The following VPS39 variants were observed in gnomAD, a reference collection of about 807,000 sequenced individuals.
VPS39 encodes vam6/Vps39-like protein.
In VPS39, 70 loss-of-function variants were observed where a neutral mutation model predicts 121.0. That is an observed-to-expected ratio of 0.58 (90% CI 0.48 to 0.71). VPS39 has a LOEUF of 0.71. VPS39 is among the 30% of genes least tolerant of loss of function. The probability of loss-of-function intolerance (pLI) is 0.00; values close to 1 mark genes in which losing one functional copy is unlikely to be tolerated. For synonymous variants in VPS39, 378 were observed against 398.1 expected, an observed-to-expected ratio of 0.95 and a Z score of 0.60; for missense variants, 818 against 1,051.5, an observed-to-expected ratio of 0.78 and a Z score of 3.07.
Position 42,198,512 on chromosome 15 carries a change from A to G in VPS39, c.139+1384T>C, listed in dbSNP as rs149892471. On this transcript the variant is annotated intron_variant, in intron 2 of 24. Transcript: ENST00000318006. ...ATTATAAGCACGTGCCACCACATCC[A>G]GCTAATTTTTTGTAGACAGGGTGTT... Among the ~76,000 whole-genome samples, 801 of 152,158 alleles carry G rather than the reference A, an allele frequency of 5.3e-3. 8 individuals carry two copies. Among genetic ancestry groups the G allele is most frequent in the Non-Finnish European group, 8.0e-3 (547 of 67,988 alleles).
rs561738448 is a variant in VPS39 at position 42,165,797 on chromosome 15, G to T, written c.1700C>A (p.Pro567Gln). 6.2e-7 allele frequency: 1 copy of T among 1,613,946 alleles called. No individual in the cohort carries two copies. The highest frequency in any genetic ancestry group is 8.5e-7 in the Non-Finnish European group (1 of 1,179,998). The change falls in exon 17 of 25, where the codon CCG (proline) becomes CAG (glutamine). Residue 567 changes from proline to glutamine, a missense_variant. Transcript: ENST00000318006. ...DGLKIFTEDL[P>Q]EVESLPRDRV... Reference sequence around the variant, plus strand: ...ATCACGTGGCAGAGACTCCACTTCCGGGAGATCTTCAGTAAATATCTGTTA... The same window carrying T: ...ATCACGTGGCAGAGACTCCACTTCCTGGAGATCTTCAGTAAATATCTGTTA...
chr15:42,207,574 A>G (rs2050200341), intron 1 of VPS39, among the ~76,000 whole-genome samples: 1 of 152,232 alleles, frequency 6.6e-6, no homozygotes, highest in Non-Finnish European at 1.5e-5. Flanking sequence ...TTAGCTAACT[A>G]CATGAGTTCC....
chr15:42,165,696 T>G (rs781315267), intron 17 of VPS39, 22 bp downstream of exon 17: 1 of 1,606,066 alleles, frequency 6.2e-7, no homozygotes, highest in Non-Finnish European at 8.5e-7. Flanking sequence ...AGCTTTTTAG[T>G]GCAGACCAAA....
rs1472653479 is a variant in VPS39 at position 42,166,191 on chromosome 15, C to A, written c.1648G>T (p.Val550Leu). ...CCATCTTCTGGGAAGTCTCTCAGCA[C>A]CCACACTGAGTAGGAGAAAATCAAA... The part of the protein sequence containing the change: ...LHLIFSYSVW[V>L]LRDFPEDGLK... Residue 550 changes from valine (V) to leucine (L), a missense_variant, in exon 16 of 25, where the codon GTG (valine) becomes TTG (leucine). Coordinates refer to ENST00000318006, the MANE Select transcript of VPS39 (RefSeq NM_015289.5). 8.1e-6 allele frequency: 13 copies of A among 1,614,202 alleles called. No homozygotes were observed. Among genetic ancestry groups the A allele is most frequent in the Middle Eastern group, 3.3e-4 (2 of 6,062 alleles).
chr15:42,168,939 C>G (rs1272239599), intron 12 of VPS39, among the ~76,000 whole-genome samples: 1 of 152,160 alleles, frequency 6.6e-6, no homozygotes, highest in Non-Finnish European at 1.5e-5. Flanking sequence ...AATAAGGTCT[C>G]TGATTCTGAA....
At chr15:42,190,523 C>T (rs2049806166) in intron 4 of VPS39, among the ~76,000 whole-genome samples, 1 of 152,162 alleles carries the variant, frequency 6.6e-6, no homozygotes, top group Non-Finnish European at 1.5e-5. Flanking sequence ...ACAGTGTAGC[C>T]CTGCTCTGTC....
At chr15:42,194,303 G>A (rs1195330668) in intron 2 of VPS39, among the ~76,000 whole-genome samples, 3 of 151,844 alleles carry the variant, frequency 2.0e-5, no homozygotes, top group Non-Finnish European at 4.4e-5. Context: ...GTGAAATCCT[G>A]TCTCTACTGA....
chr15:42,201,595 TA>T (rs536507432), intron 1 of VPS39, among the ~76,000 whole-genome samples: 215 of 152,326 alleles, frequency 1.4e-3, no homozygotes, highest in Middle Eastern at 6.8e-3. Context: ...TCTGATTTAG[TA>T]GGTTTAAAAG....
At chr15:42,169,985 A>AAATT in intron 11 of VPS39, 119 bp from the exon 12 acceptor site, 1 of 1,095,796 alleles carries the variant, frequency 9.1e-7, no homozygotes, top group Non-Finnish European at 1.2e-6. Flanking sequence ...AAAAAAAAAG[A>AAATT]CTCTCAGTTC....
chr15:42,169,678 T>G, intron 12 of VPS39, 46 bp downstream of exon 12: 1 of 1,543,006 alleles, frequency 6.5e-7, no homozygotes, highest in Non-Finnish European at 8.8e-7. Flanking sequence ...AAACAAGTAC[T>G]GAAACTCCCA....
At chr15:42,198,202 T>G (rs2049985027) in intron 2 of VPS39, among the ~76,000 whole-genome samples, 3 of 152,128 alleles carry the variant, frequency 2.0e-5, no homozygotes, top group South Asian at 2.1e-4. Context: ...TGATCACCAC[T>G]TACATGTGAA....
intron 10 of VPS39, among the ~76,000 whole-genome samples, chr15:42,175,184 C>T (rs1466532302): frequency 1.3e-5 from 2 of 151,994 alleles, no homozygotes; most frequent in African/African-American, 4.8e-5. Flanking sequence ...GAGGCTGAAG[C>T]GGGCGGATCA....
At chr15:42,200,624 A>G (rs1040617251) in intron 1 of VPS39, among the ~76,000 whole-genome samples, 1 of 152,224 alleles carries the variant, frequency 6.6e-6, no homozygotes, top group Non-Finnish European at 1.5e-5. Context: ...AAAATGGGAG[A>G]GCCACTTTGG....
chr15:42,161,793 G>A lies in VPS39; in HGVS notation c.2461-20C>T, dbSNP rs1169710185. On this transcript the variant is annotated intron_variant, in intron 23 of 24. Transcript: ENST00000318006. ...CTGGACCTGGAAGAACAGGGGGATT[G>A]AGGAAGAAGTTCTACAGTGTGGCAC... 4 of 1,613,216 alleles carry A rather than the reference G, an allele frequency of 2.5e-6. No individual in the cohort carries two copies. In the African/African-American group the frequency reaches 5.3e-5, roughly 22 times the overall value.
intron 3 of VPS39, 55 bp downstream of exon 3, chr15:42,191,441 T>C: frequency 6.5e-7 from 1 of 1,535,486 alleles, no homozygotes; most frequent in South Asian, 1.1e-5. Flanking sequence ...AGTTCTAGTC[T>C]GACAGGGTCT....
At chr15:42,198,976 T>C (rs1165489283) in intron 2 of VPS39, among the ~76,000 whole-genome samples, 1 of 152,238 alleles carries the variant, frequency 6.6e-6, no homozygotes, top group Non-Finnish European at 1.5e-5. Flanking sequence ...CCAGGATATC[T>C]TCTCTTTCCC....
chr15:42,166,375 G>T (rs1368296007), intron 15 of VPS39, 143 bp from the exon 16 acceptor site: 4 of 1,122,316 alleles, frequency 3.6e-6, no homozygotes, highest in Admixed American at 2.1e-5. Flanking sequence ...TAGCCCTACT[G>T]GGCTGGCTCC....
chr15:42,192,889 G>T (rs779958727), intron 2 of VPS39, among the ~76,000 whole-genome samples: 7 of 151,694 alleles, frequency 4.6e-5, no homozygotes, highest in Non-Finnish European at 1.0e-4. Context: ...AGCAATTCTC[G>T]TGCCCTCAGC....
intron 8 of VPS39, among the ~76,000 whole-genome samples, chr15:42,179,854 T>C (rs996729641): frequency 2.0e-5 from 3 of 152,038 alleles, no homozygotes; most frequent in Non-Finnish European, 4.4e-5. Flanking sequence ...AGTGCAAAAG[T>C]GTTGGGAGGT....
Sources: allele counts gnomAD v4.1 joint callset (sites outside exome capture counted in the v4.1 genomes callset), GRCh38; gene constraint gnomAD v4.1.1; transcripts MANE v1.5; gene names NCBI Gene and HGNC (gene_info 2026-07-23, HGNC 2026-07-21).